The following RNF213 variants were observed in gnomAD, a reference collection of about 807,000 sequenced individuals.
The protein encoded by RNF213 is E3 ubiquitin-protein ligase RNF213.
A neutral mutation model predicts 514.4 loss-of-function variants in RNF213; 341 were observed. That is an observed-to-expected ratio of 0.66 (90% CI 0.61 to 0.73). The LOEUF (loss-of-function observed/expected upper bound fraction) is 0.73. Among genes scored for constraint, RNF213 ranks in the 30% least tolerant of loss-of-function variants. The pLI, the probability that RNF213 is intolerant of heterozygous loss-of-function variation, is 0.00. For synonymous variants in RNF213, 2,655 were observed against 2,658.2 expected (o/e 1.00, Z 0.04); for missense variants, 5,767 against 6,615.6 (o/e 0.87, Z 4.45).
At position 80,396,722 on chromosome 17, in the gene RNF213, C is replaced by A. The variant is rs2080668540; in HGVS notation, c.*3224C>A. On this transcript the variant is annotated 3_prime_UTR_variant, in exon 68 of 68. Coordinates refer to ENST00000582970, the MANE Select transcript of RNF213 (RefSeq NM_001256071.3). ...TGGAAAAACAAGCGCCAGGAAAGTG[C>A]ATTTCCCCCCCACCCCCCCCCCCCA... The A allele has an allele frequency of 8.8e-6, 1 of 113,432 alleles. No individual in the cohort carries two copies. Among genetic ancestry groups the A allele is most frequent in the Non-Finnish European group, 1.8e-5 (1 of 56,176 alleles). 7.0% of individuals were successfully genotyped at this position (113,432 alleles called of 1,614,324 possible).
intron 67 of RNF213, among the ~76,000 whole-genome samples, 175 bp from the exon 68 acceptor site, chr17:80,393,170 A>G (rs962931381): frequency 6.6e-6 from 1 of 151,890 alleles, no homozygotes; most frequent in Admixed American, 6.6e-5. Context: ...TGCTAGAGAC[A>G]GGGTTTCGCC....
In RNF213 at chr17:80,306,448, G is replaced by C. The variant is rs2045361359; in HGVS notation, c.2407G>C (p.Glu803Gln). ...SGIYYRLPGL[E>Q]QVLNTQDVQD... ...GATTTACTACCGGCTTCCGGGACTT[G>C]AGCAAGTCTTGAATACGCAGGTTTG... Residue 803 changes from glutamate (E) to glutamine (Q), a missense_variant, in exon 12 of 68, where the codon GAG becomes CAG. Transcript: ENST00000582970. The C allele has an allele frequency of 6.2e-7, 1 of 1,613,974 alleles. No homozygotes were observed. The highest frequency in any genetic ancestry group is 8.5e-7 in the Non-Finnish European group (1 of 1,180,030).
rs2080700571 is a variant in RNF213 at position 80,398,252 on chromosome 17, G to A, written c.*4754G>A. The stretch of plus-strand genomic sequence containing the variant: ...TTGGTTTGGTGTAAACTGTAAAAGT[G>A]TGTGTGTGCCCTTTTTACCTGTTCT... On this transcript the variant is annotated 3_prime_UTR_variant, in exon 68 of 68. Transcript: ENST00000582970. 2 of 152,152 alleles carry A rather than the reference G, an allele frequency of 1.3e-5. No individual in the cohort carries two copies. The highest frequency in any genetic ancestry group is 2.4e-5 in the African/African-American group (1 of 41,430). 9.4% of individuals were successfully genotyped at this position (152,152 alleles called of 1,614,324 possible).
chr17:80,385,812 C>T (rs554724927), intron 61 of RNF213, among the ~76,000 whole-genome samples, 191 bp downstream of exon 61: 2 of 152,264 alleles, frequency 1.3e-5, no homozygotes, highest in Admixed American at 6.5e-5. Flanking sequence ...ACCTCTGCCT[C>T]CCGGATTCAA....
chr17:80,316,885 G>A (rs138759764), intron 15 of RNF213, among the ~76,000 whole-genome samples: 2 of 152,360 alleles, frequency 1.3e-5, no homozygotes, highest in South Asian at 4.1e-4. Context: ...CGACCTTTTT[G>A]AAAGTTCAAA....
At chr17:80,392,893 G>A (rs1340973771) in intron 67 of RNF213, among the ~76,000 whole-genome samples, 2 of 151,974 alleles carry the variant, frequency 1.3e-5, no homozygotes, top group African/African-American at 4.8e-5. Context: ...CCTGGCCTAG[G>A]ATTTTAAGTC....
chr17:80,287,725 G>T, intron 3 of RNF213, 90 bp from the exon 4 acceptor site: 10 of 1,347,008 alleles, frequency 7.4e-6, no homozygotes, highest in Non-Finnish European at 8.5e-6. Flanking sequence ...GCTTGATGTA[G>T]TTGAGGAACG....
chr17:80,374,004 CAAA>C (rs397968636), intron 49 of RNF213, among the ~76,000 whole-genome samples: 12 of 96,202 alleles, frequency 1.2e-4, no homozygotes, highest in Middle Eastern at 5.3e-3. Context: ...GACTCCGTCT[CAAA>C]AAAAAAAAAA....
At position 80,334,161 on chromosome 17, in the gene RNF213, C is replaced by T. The variant is rs1443156419; in HGVS notation, c.4200C>T (p.Leu1400=). The T allele has an allele frequency of 6.5e-7, 1 of 1,537,110 alleles. No homozygotes were observed. Among genetic ancestry groups the T allele is most frequent in the Non-Finnish European group, 8.7e-7 (1 of 1,146,904 alleles). Reference sequence around the variant, plus strand: ...CACTGGACCAGATCAACCAGGAGCTCATCCAGGCCAAAAAGCTGCTCCAGG... The same window carrying T: ...CACTGGACCAGATCAACCAGGAGCTTATCCAGGCCAAAAAGCTGCTCCAGG... ...RETLDQINQE[L]IQAKKLLQDI... is the part of the protein sequence containing the mutation. Residue 1400 remains leucine, a synonymous_variant, in exon 22 of 68, where the codon CTC becomes CTT. Coordinates refer to ENST00000582970, the MANE Select transcript of RNF213 (RefSeq NM_001256071.3).
intron 46 of RNF213, among the ~76,000 whole-genome samples, chr17:80,371,436 G>A (rs2079515045): frequency 6.6e-6 from 1 of 152,254 alleles, no homozygotes; most frequent in Non-Finnish European, 1.5e-5. Context: ...GCACAGGAAT[G>A]GAAGACCAAA....
At position 80,368,090 on chromosome 17, in the gene RNF213, C is replaced by T. The variant is rs1322053679; in HGVS notation, c.12102C>T (p.Tyr4034=). The T allele has an allele frequency of 1.2e-6, 2 of 1,614,280 alleles. No homozygotes were observed. Among genetic ancestry groups the T allele is most frequent in the Non-Finnish European group, 1.7e-6 (2 of 1,180,054 alleles). The change falls in exon 44 of 68, where the codon TAC becomes TAT. Residue 4034 remains tyrosine, a synonymous_variant. Transcript: ENST00000582970. ...WFASEQMICP[Y]CLTALPDEFS... ...CCTCAGAGCAGATGATATGCCCCTA[C>T]TGTTTAACTGCCTTGCCAGACGAAT...
In RNF213 at chr17:80,395,864, C is replaced by G. The variant is rs558820863; in HGVS notation, c.*2366C>G. The G allele has an allele frequency of 6.6e-6, 1 of 152,302 alleles. No homozygotes were observed. Among genetic ancestry groups the G allele is most frequent in the East Asian group, 1.9e-4 (1 of 5,176 alleles). 9.4% of individuals were successfully genotyped at this position (152,302 alleles called of 1,614,324 possible). A position where few individuals can be genotyped will look rare whatever the true frequency, so the allele number is the denominator to read the frequency against. ...GAAGAGGAGGCATGCTGGCCTGCACCGGAAGACTCACTTTGTCTGCCCTGC... is the reference window on the plus strand; with the variant it reads ...GAAGAGGAGGCATGCTGGCCTGCACGGGAAGACTCACTTTGTCTGCCCTGC... On this transcript the variant is annotated 3_prime_UTR_variant, in exon 68 of 68. Coordinates refer to ENST00000582970, the MANE Select transcript of RNF213 (RefSeq NM_001256071.3).
intron 3 of RNF213, among the ~76,000 whole-genome samples, chr17:80,275,105 GGGTGTGTGCGTGTTGGGTGTGTGTGAGT>G (rs2044006191): frequency 7.1e-6 from 1 of 140,404 alleles, no homozygotes; most frequent in African/African-American, 2.7e-5. Context: ...TGTGTGTGTT[GGGTGTGTGCGTGTTGGGTGTGTGTGAGT>G]GGTGTGTGTG....
At chr17:80,283,095 C>T (rs528703990) in intron 3 of RNF213, among the ~76,000 whole-genome samples, 27 of 152,242 alleles carry the variant, frequency 1.8e-4, no homozygotes, top group Admixed American at 4.6e-4. Flanking sequence ...CCTCACCCCC[C>T]GTAAAATTAT....
At chr17:80,352,073 T>C (rs2078542946) in intron 32 of RNF213, 2 of 327,714 alleles carry the variant, frequency 6.1e-6, no homozygotes, top group Non-Finnish European at 1.2e-5. Context: ...CTAGATGGTC[T>C]CAATCCGTTG....
chr17:80,333,923 A>G (rs2077909421), intron 21 of RNF213, 182 bp from the exon 22 acceptor site: 1 of 618,958 alleles, frequency 1.6e-6, no homozygotes, highest in Non-Finnish European at 2.8e-6. Context: ...TCAGGGAGAA[A>G]CAGCCATGGG....
At position 80,363,277 on chromosome 17, in the gene RNF213, A is replaced by G. The variant is rs751122176; in HGVS notation, c.11531A>G (p.Glu3844Gly). ...IYPQVLHSLM[E>G]ARWNHELAGC... ...CCTCAGGTTCTCCACAGCCTGATGG[A>G]AGCCCGTTGGAACCATGAGCTGGCT... Residue 3844 changes from glutamate (E) to glycine (G), a missense_variant, in exon 40 of 68, where the codon GAA (glutamate) becomes GGA (glycine). Physicochemically the swap from Glu to Gly is moderately conservative, Grantham distance 98 (BLOSUM62 -2). This residue lies in a region of RNF213 where 355 missense variants were observed against 358.0 expected (regional missense o/e 0.99). Transcript: ENST00000582970. The G allele has an allele frequency of 3.7e-6, 6 of 1,614,038 alleles. No homozygotes were observed. In the South Asian group the frequency reaches 6.6e-5, roughly 18 times the overall value.
At position 80,273,390 on chromosome 17, in the gene RNF213, T is replaced by C. The variant is rs1295957503; in HGVS notation, c.247T>C (p.Trp83Arg). ...CGAGGAGCCCTGTTCCAAAGCCTCC[T>C]GGACCGTCCAAGAAGTGAGTGCACT... ...NPEEPCSKAS[W>R]TVQESKKKKR... Residue 83 changes from tryptophan (W) to arginine (R), a missense_variant, in exon 3 of 68, where the codon TGG becomes CGG. Around this residue, in one of 13 missense-constraint regions of RNF213, gnomAD observed 509 missense variants for 496.7 expected, o/e 1.02. Coordinates refer to ENST00000582970, the MANE Select transcript of RNF213 (RefSeq NM_001256071.3). 6.2e-7 allele frequency: 1 copy of C among 1,612,814 alleles called. No homozygotes were observed. Among genetic ancestry groups the C allele is most frequent in the Admixed American group, 1.7e-5 (1 of 60,002 alleles).
At chr17:80,355,100 CCAGA>C (rs1350105548) in intron 36 of RNF213, 1 of 429,048 alleles carries the variant, frequency 2.3e-6, no homozygotes, top group Non-Finnish European at 4.7e-6. Flanking sequence ...GCTCTGGGCC[CCAGA>C]CAGAGGGTCT....
Sources: allele counts gnomAD v4.1 joint callset (sites outside exome capture counted in the v4.1 genomes callset), GRCh38; gene constraint gnomAD v4.1.1; regional missense constraint gnomAD v4.1.1; transcripts MANE v1.5; gene names NCBI Gene and HGNC (gene_info 2026-07-23, HGNC 2026-07-21).